GRIN2A: variants seen among roughly 807,000 people sequenced by gnomAD.
The protein encoded by GRIN2A is glutamate ionotropic receptor NMDA type subunit 2A.
In GRIN2A, 22 loss-of-function variants were observed where a neutral mutation model predicts 113.4. The observed-to-expected ratio is 0.19, with a 90% CI of 0.14 to 0.28. The LOEUF is 0.28. Ranked by LOEUF, GRIN2A falls within the 10% of genes least tolerant of loss-of-function variation. The pLI is 1.00. For missense variants in GRIN2A, 1,502 were observed against 1,887.0 expected (o/e 0.80, Z 3.78); for synonymous variants, 827 against 738.4 (o/e 1.12, Z -1.94).
chr16:10,102,206 G>A (rs554635004), intron 2 of GRIN2A, among the ~76,000 whole-genome samples: 40 of 152,362 alleles, frequency 2.6e-4, no homozygotes, highest in East Asian at 3.9e-4. Flanking sequence ...AGGGCCTGGC[G>A]GGAGGCCATT....
At position 9,762,975 on chromosome 16, in the gene GRIN2A, A is replaced by G; in HGVS notation, c.*174T>C. 1 of 663,250 alleles carries G rather than the reference A, an allele frequency of 1.5e-6. No homozygotes were observed. The highest frequency in any genetic ancestry group is 2.6e-6 in the Non-Finnish European group (1 of 384,302). The allele number at this position is 663,250 out of a possible 1,614,324, so 41.1% of individuals were successfully genotyped here. Reference sequence around the variant, plus strand: ...AGCACACACCTCACAAGATTCCTTGAGTGGAAGATTATGGCATGAAGCCGT... The same window carrying G: ...AGCACACACCTCACAAGATTCCTTGGGTGGAAGATTATGGCATGAAGCCGT... On this transcript the variant is annotated 3_prime_UTR_variant, in exon 13 of 13. Coordinates refer to ENST00000330684, the MANE Select transcript of GRIN2A (RefSeq NM_001134407.3).
intron 2 of GRIN2A, among the ~76,000 whole-genome samples, chr16:10,035,852 T>G (rs1422052007): frequency 6.6e-6 from 1 of 151,976 alleles, no homozygotes; most frequent in Non-Finnish European, 1.5e-5. Flanking sequence ...GCCTTCCCAG[T>G]AGCTAGGACT....
chr16:9,821,648 G>A (rs2042287272), intron 10 of GRIN2A, among the ~76,000 whole-genome samples: 1 of 152,162 alleles, frequency 6.6e-6, no homozygotes, highest in African/African-American at 2.4e-5. Flanking sequence ...ATGAGGCTAT[G>A]AGGTATGAGA....
chr16:9,960,130 G>A (rs145808727), intron 2 of GRIN2A, among the ~76,000 whole-genome samples: 1 of 152,066 alleles, frequency 6.6e-6, no homozygotes, highest in East Asian at 1.9e-4. Flanking sequence ...TAGTAAAAAA[G>A]GAAAAAAATG....
chr16:9,870,193 G>C (rs2043232583), intron 4 of GRIN2A, among the ~76,000 whole-genome samples: 1 of 152,138 alleles, frequency 6.6e-6, no homozygotes, highest in African/African-American at 2.4e-5. Flanking sequence ...CCAAAGGCCT[G>C]GCAATTATTT....
At chr16:9,836,202 A>G (rs1286841670) in intron 7 of GRIN2A, among the ~76,000 whole-genome samples, 1 of 152,240 alleles carries the variant, frequency 6.6e-6, no homozygotes, top group Admixed American at 6.5e-5. Context: ...GCAAATAAGC[A>G]TATACATGAA....
chr16:10,100,482 T>C (rs1324475816), intron 2 of GRIN2A, among the ~76,000 whole-genome samples: 1 of 152,210 alleles, frequency 6.6e-6, no homozygotes, highest in Non-Finnish European at 1.5e-5. Flanking sequence ...TGCACCTCCA[T>C]TTCCTCATCT....
At chr16:9,776,610 T>C (rs563096234) in intron 11 of GRIN2A, among the ~76,000 whole-genome samples, 314 of 152,160 alleles carry the variant, frequency 2.1e-3, no homozygotes, top group African/African-American at 6.4e-3. Context: ...TCATCAAAGA[T>C]CCCAGCAATA....
chr16:9,998,025 A>T (rs1324385194), intron 2 of GRIN2A, among the ~76,000 whole-genome samples: 1 of 152,220 alleles, frequency 6.6e-6, no homozygotes, highest in African/African-American at 2.4e-5. Flanking sequence ...ACATTTATTT[A>T]TAGAATTATA....
At chr16:9,952,836 G>T (rs59775432) in intron 2 of GRIN2A, among the ~76,000 whole-genome samples, 13,917 of 151,962 alleles carry the variant, frequency 0.092, 715 homozygotes, top group African/African-American at 0.11. Flanking sequence ...CAACAAGAAA[G>T]TGAGAGAAAA....
intron 2 of GRIN2A, among the ~76,000 whole-genome samples, chr16:10,040,831 A>G (rs975165123): frequency 6.6e-6 from 1 of 152,240 alleles, no homozygotes; most frequent in Non-Finnish European, 1.5e-5. Flanking sequence ...GGCTGGAGGC[A>G]GCTGTGGGGG....
chr16:9,863,053 A>T (rs186420840), intron 4 of GRIN2A, among the ~76,000 whole-genome samples: 4 of 152,298 alleles, frequency 2.6e-5, no homozygotes, highest in Admixed American at 2.0e-4. Context: ...AATTTAAGTG[A>T]CTTGCCCAAG....
chr16:9,953,743 C>T (rs574550953), intron 2 of GRIN2A, among the ~76,000 whole-genome samples: 7 of 152,172 alleles, frequency 4.6e-5, no homozygotes, highest in East Asian at 3.9e-4. Context: ...AGCTTGAAGA[C>T]GAAGGCAGGG....
chr16:9,781,449 C>A (rs375570403), intron 11 of GRIN2A, among the ~76,000 whole-genome samples: 1 of 152,160 alleles, frequency 6.6e-6, no homozygotes, highest in South Asian at 2.1e-4. Flanking sequence ...CAGCCTCAAC[C>A]TCCCAGGCTC....
rs569288660 is a variant in GRIN2A, at chr16:10,024,591, T to C, written c.415-86040A>G. ...CTATGTCATTACCACGTCTTCTCTG[T>C]CTCCCATTGCCGCTTAGAGATCACA... On this transcript the variant is annotated intron_variant, in intron 2 of 12. Transcript: ENST00000330684. Among the ~76,000 whole-genome samples the C allele has an allele frequency of 2.0e-5, 3 of 152,346 alleles. No homozygotes were observed. In the South Asian group the frequency reaches 6.2e-4, roughly 32 times the overall value.
chr16:10,017,202 T>A (rs962183738), intron 2 of GRIN2A, among the ~76,000 whole-genome samples: 5 of 152,186 alleles, frequency 3.3e-5, no homozygotes, highest in Admixed American at 3.3e-4. Context: ...ACACTGCCAT[T>A]TTTTTAAAAG....
intron 3 of GRIN2A, chr16:9,937,688 A>T: frequency 2.0e-6 from 1 of 489,066 alleles, no homozygotes; most frequent in South Asian, 2.1e-5. Flanking sequence ...CCATAGACAG[A>T]CAGACAGATC....
intron 10 of GRIN2A, 92 bp from the exon 11 acceptor site, chr16:9,798,556 C>T: frequency 1.1e-6 from 1 of 895,838 alleles, no homozygotes; most frequent in Non-Finnish European, 1.8e-6. Context: ...GCATCCCACA[C>T]TTTCTTTCAT....
chr16:10,022,053 C>T (rs577758296), intron 2 of GRIN2A, among the ~76,000 whole-genome samples: 1 of 152,094 alleles, frequency 6.6e-6, no homozygotes, highest in Non-Finnish European at 1.5e-5. Context: ...CCCACCTTGA[C>T]ACCTCTAGAA....
Sources: gnomAD v4.1 joint callset for allele counts (sites outside exome capture counted in the v4.1 genomes callset) on GRCh38, gnomAD v4.1.1 for gene constraint, MANE v1.5 for transcripts, NCBI Gene and HGNC (gene_info 2026-07-23, HGNC 2026-07-21) for gene names.